HS6ST3: variants seen among roughly 807,000 people sequenced by gnomAD.
HS6ST3 encodes heparan sulfate 6-O-sulfotransferase 3, also known as heparan-sulfate 6-O-sulfotransferase 3.
HS6ST3 carries 12 observed loss-of-function variants against 36.7 expected under a neutral mutation model. That is an observed-to-expected ratio of 0.33 (90% CI 0.21 to 0.53). The LOEUF (loss-of-function observed/expected upper bound fraction) is 0.53. Among genes scored for constraint, HS6ST3 ranks in the 20% least tolerant of loss-of-function variants. The pLI, the probability that HS6ST3 is intolerant of heterozygous loss-of-function variation, is 0.95. For synonymous variants in HS6ST3, 240 were observed against 257.5 expected (o/e 0.93, Z 0.65); for missense variants, 584 against 640.9 (o/e 0.91, Z 0.96).
chr13:96,246,201 T>C (rs977579464), intron 1 of HS6ST3, among the ~76,000 whole-genome samples: 7 of 152,190 alleles, frequency 4.6e-5, no homozygotes, highest in South Asian at 2.1e-4. Context: ...TCCAGTACTT[T>C]AACAATTAGA....
intron 1 of HS6ST3, among the ~76,000 whole-genome samples, chr13:96,339,571 G>A (rs1190334511): frequency 6.6e-6 from 1 of 152,212 alleles, no homozygotes; most frequent in African/African-American, 2.4e-5. Context: ...AGGAGCCTAT[G>A]TCAGGGAGAG....
chr13:96,458,313 AAGAG>A (rs957888855), intron 1 of HS6ST3, among the ~76,000 whole-genome samples: 53 of 151,882 alleles, frequency 3.5e-4, no homozygotes, highest in African/African-American at 1.2e-3. Context: ...AGTTAAAAAA[AAGAG>A]AGAGAGAGAG....
chr13:96,809,409 CT>C (rs1188467897), intron 1 of HS6ST3, among the ~76,000 whole-genome samples: 1 of 152,106 alleles, frequency 6.6e-6, no homozygotes, highest in Non-Finnish European at 1.5e-5. Flanking sequence ...TGTATCCTGT[CT>C]TGTTTTTTGC....
At chr13:96,204,375 GAGACTT>G (rs2054359035) in intron 1 of HS6ST3, among the ~76,000 whole-genome samples, 1 of 152,130 alleles carries the variant, frequency 6.6e-6, no homozygotes, top group African/African-American at 2.4e-5. Flanking sequence ...TACTTACAAA[GAGACTT>G]AGACTCCCAT....
intron 1 of HS6ST3, among the ~76,000 whole-genome samples, chr13:96,755,571 G>C (rs1307308220): frequency 1.3e-5 from 2 of 152,010 alleles, no homozygotes; most frequent in African/African-American, 4.8e-5. Flanking sequence ...CACCACGTTG[G>C]CCAGGCTGGT....
At chr13:96,427,136 G>T (rs960809459) in intron 1 of HS6ST3, 2 of 154,356 alleles carry the variant, frequency 1.3e-5, no homozygotes. Flanking sequence ...AGTATAGTTG[G>T]TGGGGACATA....
intron 1 of HS6ST3, among the ~76,000 whole-genome samples, chr13:96,730,734 A>G (rs1876129961): frequency 6.6e-6 from 1 of 151,584 alleles, no homozygotes; most frequent in African/African-American, 2.4e-5. Flanking sequence ...AACTTAGCGA[A>G]TTTTTTAAAT....
intron 1 of HS6ST3, among the ~76,000 whole-genome samples, chr13:96,183,563 C>T (rs2139341331): frequency 6.6e-6 from 1 of 152,294 alleles, no homozygotes; most frequent in South Asian, 2.1e-4. Flanking sequence ...GGTTCCATTA[C>T]TCTGTCCATG....
At chr13:96,384,565 T>G (rs1020133660) in intron 1 of HS6ST3, among the ~76,000 whole-genome samples, 5 of 152,172 alleles carry the variant, frequency 3.3e-5, no homozygotes. Flanking sequence ...GTGTTAGGTT[T>G]AGACAGAGGT....
intron 1 of HS6ST3, among the ~76,000 whole-genome samples, chr13:96,737,036 G>A (rs1383379532): frequency 6.6e-6 from 1 of 151,736 alleles, no homozygotes; most frequent in East Asian, 1.9e-4. Context: ...ATAATTATGA[G>A]GATAAAAACA....
intron 1 of HS6ST3, among the ~76,000 whole-genome samples, chr13:96,386,325 G>T (rs1213163426): frequency 6.6e-6 from 1 of 152,074 alleles, no homozygotes; most frequent in African/African-American, 2.4e-5. Context: ...GCAGAATGGA[G>T]ACTCCATTCT....
chr13:96,227,608 C>T (rs1014788701), intron 1 of HS6ST3, among the ~76,000 whole-genome samples: 1 of 152,180 alleles, frequency 6.6e-6, no homozygotes, highest in Non-Finnish European at 1.5e-5. Flanking sequence ...GATTTCTATC[C>T]TGCAGTGAGA....
intron 1 of HS6ST3, among the ~76,000 whole-genome samples, chr13:96,387,049 T>C (rs9300350): frequency 0.84 from 127,553 of 152,012 alleles, 53,948 homozygotes; most frequent in South Asian, 0.91. Flanking sequence ...GTGCTTCAGG[T>C]TTCTGGGTAC....
intron 1 of HS6ST3, among the ~76,000 whole-genome samples, chr13:96,681,740 C>G (rs938262457): frequency 1.3e-5 from 2 of 152,092 alleles, no homozygotes; most frequent in Non-Finnish European, 2.9e-5. Context: ...CCCACCTCCC[C>G]CTTTTCCCTG....
In HS6ST3 at chr13:96,100,697, T is replaced by G. The variant is rs147714764; in HGVS notation, c.707+9128T>G. Among the ~76,000 whole-genome samples, 21 of 152,282 alleles carry G rather than the reference T, an allele frequency of 1.4e-4. No homozygotes were observed. The East Asian group carries it at 3.5e-3, about 25-fold the overall frequency. ...CTCCCACCTGTCCATTTCCTCCTAT[T>G]GTCTTCCAGAGTGAATCCACTTAGA... On this transcript the variant is annotated intron_variant, in intron 1 of 1. Transcript: ENST00000376705.
chr13:96,568,532 C>T (rs1461873319), intron 1 of HS6ST3, among the ~76,000 whole-genome samples: 1 of 152,196 alleles, frequency 6.6e-6, no homozygotes, highest in Non-Finnish European at 1.5e-5. Flanking sequence ...GCTGGGATTA[C>T]AGGCGTGAGC....
At chr13:96,654,203 T>C (rs1287587678) in intron 1 of HS6ST3, among the ~76,000 whole-genome samples, 1 of 152,210 alleles carries the variant, frequency 6.6e-6, no homozygotes, top group African/African-American at 2.4e-5. Context: ...GTAGAAGCTC[T>C]TTAGTTTAAT....
chr13:96,626,050 G>A (rs1248199616), intron 1 of HS6ST3, among the ~76,000 whole-genome samples: 1 of 151,502 alleles, frequency 6.6e-6, no homozygotes, highest in Admixed American at 6.6e-5. Context: ...CACCATGTTA[G>A]CCAGCATGGT....
chr13:96,737,585 A>C (rs924967991), intron 1 of HS6ST3, among the ~76,000 whole-genome samples: 9 of 133,038 alleles, frequency 6.8e-5, no homozygotes, highest in Non-Finnish European at 1.4e-4. Flanking sequence ...AGATTGCGCC[A>C]CTGCAGTCCG....
Sources: gnomAD v4.1 joint callset for allele counts (sites outside exome capture counted in the v4.1 genomes callset) on GRCh38, gnomAD v4.1.1 for gene constraint, MANE v1.5 for transcripts, NCBI Gene and HGNC (gene_info 2026-07-23, HGNC 2026-07-21) for gene names.